NRG1: variants seen among roughly 807,000 people sequenced by gnomAD.
NRG1 encodes the protein pro-neuregulin-1, membrane-bound isoform.
In NRG1, 18 loss-of-function variants were observed where a neutral mutation model predicts 63.8. The ratio of observed to expected loss-of-function variants is 0.28; its 90% CI spans 0.19 to 0.42. The LOEUF is 0.42. Ranked by LOEUF, NRG1 falls within the 10% of genes least tolerant of loss-of-function variation. The pLI, the probability that NRG1 is intolerant of heterozygous loss-of-function variation, is 1.00. For synonymous variants in NRG1, 302 were observed against 301.3 expected (o/e 1.00, Z -0.02); for missense variants, 762 against 814.7 (o/e 0.94, Z 0.79).
chr8:31,912,337 G>A (rs1276385815), intron 1 of NRG1, among the ~76,000 whole-genome samples: 7 of 152,040 alleles, frequency 4.6e-5, no homozygotes, highest in African/African-American at 1.4e-4. Flanking sequence ...GACTTGGTGG[G>A]TAGCCAGAAA....
intron 1 of NRG1, among the ~76,000 whole-genome samples, chr8:31,749,233 C>T (rs897813774): frequency 1.9e-4 from 29 of 151,838 alleles, no homozygotes; most frequent in African/African-American, 7.0e-4. Flanking sequence ...TAAATGTATA[C>T]AGATTGGATA....
In NRG1 at chr8:31,640,996, G is replaced by A. The variant is rs1803715227; in HGVS notation, c.37+1565G>A. Among the ~76,000 whole-genome samples the A allele has an allele frequency of 2.0e-5, 3 of 152,228 alleles. No individual in the cohort carries two copies. Among genetic ancestry groups the A allele is most frequent in the South Asian group, 2.1e-4 (1 of 4,838 alleles). On this transcript the variant is annotated intron_variant, in intron 1 of 10. Coordinates refer to the NRG1 transcript ENST00000519301. This position sits in a 1 kb window ranked among gnomAD's most constrained non-coding sequence, Gnocchi z 6.3. ...GAAACTTTTTAATCCTTTGGGGTTT[G>A]GCTCACCAAGTAGATCGGAAATGTG...
chr8:31,826,003 A>C (rs1267893611), intron 1 of NRG1, among the ~76,000 whole-genome samples: 2 of 152,202 alleles, frequency 1.3e-5, no homozygotes, highest in Admixed American at 1.3e-4. Context: ...ACTTTTGGAA[A>C]TCAAGAAAAG....
chr8:31,721,849 C>T (rs1330630646), intron 1 of NRG1, among the ~76,000 whole-genome samples: 1 of 152,102 alleles, frequency 6.6e-6, no homozygotes, highest in African/African-American at 2.4e-5. Context: ...TTTCTACTCG[C>T]TCACCTTCTA....
intron 1 of NRG1, among the ~76,000 whole-genome samples, chr8:32,530,907 C>T (rs1831390439): frequency 6.6e-6 from 1 of 152,146 alleles, no homozygotes; most frequent in Non-Finnish European, 1.5e-5. Context: ...GCCTGACCAA[C>T]ATGGTGACAC....
At chr8:32,217,824 C>T (rs1005911249) in intron 1 of NRG1, among the ~76,000 whole-genome samples, 1 of 152,096 alleles carries the variant, frequency 6.6e-6, no homozygotes, top group Non-Finnish European at 1.5e-5. Flanking sequence ...AACAGTCCTG[C>T]CCCCATGAAG....
chr8:31,696,069 G>T (rs1303036191), intron 1 of NRG1, among the ~76,000 whole-genome samples: 1 of 152,066 alleles, frequency 6.6e-6, no homozygotes, highest in Non-Finnish European at 1.5e-5. Context: ...TGTTTTGTTT[G>T]TTTGGTTTGT....
intron 1 of NRG1, among the ~76,000 whole-genome samples, chr8:32,207,641 G>A (rs543735373): frequency 2.6e-5 from 4 of 152,198 alleles, no homozygotes; most frequent in Non-Finnish European, 5.9e-5. Context: ...CAGCATATGG[G>A]GAGCCTTCCT....
chr8:31,702,565 C>A (rs966467414), intron 1 of NRG1, among the ~76,000 whole-genome samples: 1 of 151,476 alleles, frequency 6.6e-6, no homozygotes, highest in Non-Finnish European at 1.5e-5. Flanking sequence ...GGCCATTGGT[C>A]ATTGCTAGCC....
intron 1 of NRG1, among the ~76,000 whole-genome samples, chr8:32,506,750 C>T (rs1279146752): frequency 6.6e-6 from 1 of 152,028 alleles, no homozygotes; most frequent in Non-Finnish European, 1.5e-5. Flanking sequence ...CATGGTGGCT[C>T]ACACCTGTAA....
chr8:31,965,492 G>A (rs960815427), intron 1 of NRG1, among the ~76,000 whole-genome samples: 1 of 152,020 alleles, frequency 6.6e-6, no homozygotes, highest in African/African-American at 2.4e-5. Flanking sequence ...CAAAGTGCTG[G>A]GATTACAGGT....
chr8:32,303,558 C>T (rs1381063273), intron 1 of NRG1, among the ~76,000 whole-genome samples: 2 of 152,138 alleles, frequency 1.3e-5, no homozygotes, highest in East Asian at 1.9e-4. Flanking sequence ...GTGCCAGCAC[C>T]GTTAGCAAAA....
intron 1 of NRG1, among the ~76,000 whole-genome samples, chr8:31,779,027 C>T (rs1819425712): frequency 6.6e-6 from 1 of 152,178 alleles, no homozygotes; most frequent in Non-Finnish European, 1.5e-5. Context: ...AGAATGCATC[C>T]ACTGCTGAAA....
At chr8:31,918,128 T>A (rs1833571822) in intron 1 of NRG1, among the ~76,000 whole-genome samples, 1 of 152,198 alleles carries the variant, frequency 6.6e-6, no homozygotes, top group Non-Finnish European at 1.5e-5. Flanking sequence ...TTTCTAGATA[T>A]ACAATCATGT....
intron 5 of NRG1, among the ~76,000 whole-genome samples, chr8:32,628,209 T>G (rs1849636597): frequency 6.6e-6 from 1 of 152,226 alleles, no homozygotes; most frequent in Admixed American, 6.5e-5. Context: ...CAGGATATTT[T>G]TATGATGAAA....
intron 1 of NRG1, among the ~76,000 whole-genome samples, chr8:32,367,655 T>G (rs1808252207): frequency 6.6e-6 from 1 of 152,210 alleles, no homozygotes; most frequent in Non-Finnish European, 1.5e-5. Context: ...GATTGTTTCC[T>G]TTGATGTGCT....
At chr8:32,309,427 A>C (rs1460955539) in intron 1 of NRG1, among the ~76,000 whole-genome samples, 4 of 152,218 alleles carry the variant, frequency 2.6e-5, no homozygotes, top group Non-Finnish European at 5.9e-5. Flanking sequence ...TGTCTAAAAA[A>C]TATAAAAGCC....
intron 1 of NRG1, among the ~76,000 whole-genome samples, chr8:32,208,421 C>A (rs553543878): frequency 1.4e-3 from 211 of 151,920 alleles, no homozygotes; most frequent in African/African-American, 4.7e-3. Flanking sequence ...CCATGCCCAG[C>A]TAATTTTTGT....
At chr8:31,965,075 A>G (rs1806096365) in intron 1 of NRG1, among the ~76,000 whole-genome samples, 1 of 152,210 alleles carries the variant, frequency 6.6e-6, no homozygotes. Context: ...AGAGCTTGTT[A>G]ACATCTTTCC....
Sources: gnomAD v4.1 joint callset for allele counts (sites outside exome capture counted in the v4.1 genomes callset) on GRCh38, gnomAD v4.1.1 for gene constraint, Gnocchi (gnomAD v3.1) non-coding constraint, MANE v1.5 for transcripts, NCBI Gene and HGNC (gene_info 2026-07-23, HGNC 2026-07-21) for gene names.